SCIMP: variants seen among roughly 807,000 people sequenced by gnomAD.
SCIMP encodes the protein SLP adaptor and CSK interacting membrane protein.
A neutral mutation model predicts 22.0 loss-of-function variants in SCIMP; 18 were observed. The observed-to-expected ratio is 0.82, with a 90% CI of 0.56 to 1.21. The LOEUF is 1.21. SCIMP is among the 50% of genes most tolerant of loss of function. SCIMP has a pLI of 0.00. For missense variants in SCIMP, 155 were observed against 171.2 expected, an observed-to-expected ratio of 0.91 and a Z score of 0.53; for synonymous variants, 53 against 62.2, an observed-to-expected ratio of 0.85 and a Z score of 0.70.
At chr17:5,211,897 AATT>A (rs2074528402) in intron 4 of SCIMP, among the ~76,000 whole-genome samples, 1 of 151,978 alleles carries the variant, frequency 6.6e-6, no homozygotes. Flanking sequence ...AAAATACAAA[AATT>A]AGCTGGGCGT....
intron 3 of SCIMP, among the ~76,000 whole-genome samples, chr17:5,219,276 G>T (rs750554799): frequency 6.6e-6 from 1 of 151,434 alleles, no homozygotes; most frequent in Non-Finnish European, 1.5e-5. Flanking sequence ...CCGAGATCGC[G>T]CTATTGCACT....
intron 1 of SCIMP, among the ~76,000 whole-genome samples, chr17:5,226,751 C>T (rs530441388): frequency 2.6e-5 from 4 of 152,024 alleles, no homozygotes; most frequent in East Asian, 1.9e-4. Flanking sequence ...TCAGGTGATC[C>T]GCCTGCCTCA....
intron 1 of SCIMP, among the ~76,000 whole-genome samples, chr17:5,230,151 A>T (rs2074683028): frequency 6.6e-6 from 1 of 152,124 alleles, no homozygotes; most frequent in South Asian, 2.1e-4. Context: ...TCCTGTTCCC[A>T]CTTAGCTGTT....
Position 5,234,751 on chromosome 17 carries a change from T to C in SCIMP, c.5A>G (p.Asp2Gly). 1 of 1,611,606 alleles carries C rather than the reference T, an allele frequency of 6.2e-7. No individual in the cohort carries two copies. The highest frequency in any genetic ancestry group is 8.5e-7 in the Non-Finnish European group (1 of 1,179,090). The change falls in exon 1 of 5, where the codon GAT (aspartate) becomes GGT (glycine). Residue 2 changes from aspartate (D) to glycine (G), a missense_variant. Coordinates refer to ENST00000574081, the MANE Select transcript of SCIMP (RefSeq NM_207103.3). ...GATGCTTACCTGAACTGTGAAAGTA[T>C]CCATATGTGAGCAGCTAAGGAGACA... M[D>G]TFTVQDSTAM...
intron 3 of SCIMP, 127 bp downstream of exon 3, chr17:5,221,160 G>A (rs751420144): frequency 9.1e-6 from 7 of 766,800 alleles, no homozygotes; most frequent in Non-Finnish European, 1.4e-5. Context: ...TGGCAGGTGT[G>A]AAGTCTCGCC....
rs1367801793 is a variant in SCIMP, at chr17:5,209,663, AG to A, written c.*1137del. 18 of 152,336 alleles carry A rather than the reference AG, an allele frequency of 1.2e-4. No individual in the cohort carries two copies. The highest frequency in any genetic ancestry group is 4.1e-4 in the African/African-American group (17 of 41,572). The allele number at this position is 152,336 out of a possible 1,614,324, so 9.4% of individuals were successfully genotyped here. A position where few individuals can be genotyped will look rare whatever the true frequency, so the allele number is the denominator to read the frequency against. On this transcript the variant is annotated 3_prime_UTR_variant, in exon 5 of 5. Coordinates refer to ENST00000574081, the MANE Select transcript of SCIMP (RefSeq NM_207103.3). ...TTGTGAGTATAGTTAGAATGAGTCA[AG>A]TCCTAGGGCTCTGGCGATCAGCTAG...
intron 1 of SCIMP, among the ~76,000 whole-genome samples, chr17:5,228,792 C>G (rs570439806): frequency 1.2e-4 from 18 of 152,316 alleles, no homozygotes; most frequent in African/African-American, 4.3e-4. Context: ...AGAGCAGAGG[C>G]TTTGCCTGTA....
intron 1 of SCIMP, chr17:5,234,526 C>G: frequency 1.7e-6 from 1 of 600,992 alleles, no homozygotes; most frequent in South Asian, 2.0e-5. Flanking sequence ...AGTGATGCCT[C>G]AGGTCACTCA....
intron 3 of SCIMP, among the ~76,000 whole-genome samples, chr17:5,216,776 T>C (rs2074568708): frequency 6.6e-6 from 1 of 152,238 alleles, no homozygotes; most frequent in African/African-American, 2.4e-5. Context: ...AGTCAGCCTC[T>C]GAAGTGCTGG....
intron 4 of SCIMP, chr17:5,214,570 G>T: frequency 5.9e-6 from 1 of 169,110 alleles, no homozygotes; most frequent in Non-Finnish European, 1.2e-5. Flanking sequence ...ACAAAAAAAA[G>T]TGGCTCACGC....
At chr17:5,233,373 AGTTT>A (rs10692963) in intron 1 of SCIMP, among the ~76,000 whole-genome samples, 3 of 151,108 alleles carry the variant, frequency 2.0e-5, no homozygotes, top group South Asian at 2.1e-4. Flanking sequence ...GCCTCTCAGT[AGTTT>A]GTTTGTTTGT....
chr17:5,227,292 A>AACACACACACACACACACACACAC (rs10681110), intron 1 of SCIMP, among the ~76,000 whole-genome samples: 14 of 144,328 alleles, frequency 9.7e-5, no homozygotes, highest in African/African-American at 3.4e-4. Context: ...ACACACACAC[A>AACACACACACACACACACACACAC]ACACACACAC....
At chr17:5,222,750 C>T (rs1338932952) in intron 2 of SCIMP, among the ~76,000 whole-genome samples, 1 of 151,982 alleles carries the variant, frequency 6.6e-6, no homozygotes, top group African/African-American at 2.4e-5. Flanking sequence ...CTGCAACCTC[C>T]GCCTCCTGGA....
At chr17:5,223,951 C>T (rs1191722794) in intron 1 of SCIMP, among the ~76,000 whole-genome samples, 1 of 152,340 alleles carries the variant, frequency 6.6e-6, no homozygotes, top group East Asian at 1.9e-4. Context: ...TCAGGCATGT[C>T]ACTCGACCTT....
chr17:5,212,369 T>C (rs2074531729), intron 4 of SCIMP, among the ~76,000 whole-genome samples: 1 of 151,916 alleles, frequency 6.6e-6, no homozygotes, highest in African/African-American at 2.4e-5. Context: ...GCGCGGTGGC[T>C]CACGCCTGTA....
chr17:5,224,044 C>T (rs2074628581), intron 1 of SCIMP, among the ~76,000 whole-genome samples: 1 of 152,228 alleles, frequency 6.6e-6, no homozygotes, highest in Non-Finnish European at 1.5e-5. Context: ...CATGTACCTA[C>T]TGGGCCCTCT....
intron 1 of SCIMP, among the ~76,000 whole-genome samples, chr17:5,225,422 G>A (rs76454551): frequency 0.1 from 15,448 of 151,794 alleles, 1,764 homozygotes; most frequent in South Asian, 0.49. Flanking sequence ...CCGAGATCAC[G>A]CCACTACATT....
At chr17:5,226,330 A>G (rs1305868167) in intron 1 of SCIMP, among the ~76,000 whole-genome samples, 2 of 152,172 alleles carry the variant, frequency 1.3e-5, no homozygotes, top group Non-Finnish European at 2.9e-5. Context: ...TTCAAGGTCA[A>G]GGAAATTTCA....
At chr17:5,229,591 A>G (rs1015712771) in intron 1 of SCIMP, among the ~76,000 whole-genome samples, 5 of 151,640 alleles carry the variant, frequency 3.3e-5, no homozygotes, top group African/African-American at 1.2e-4. Flanking sequence ...ATGGCGTTTC[A>G]CACCATATTG....
Sources: gnomAD v4.1 joint callset for allele counts (sites outside exome capture counted in the v4.1 genomes callset) on GRCh38, gnomAD v4.1.1 for gene constraint, MANE v1.5 for transcripts, NCBI Gene and HGNC (gene_info 2026-07-23, HGNC 2026-07-21) for gene names.